TBX15: variants seen among roughly 807,000 people sequenced by gnomAD.
TBX15 encodes the protein T-box transcription factor TBX15.
A neutral mutation model predicts 53.9 loss-of-function variants in TBX15; 18 were observed. That is an observed-to-expected ratio of 0.33 (90% CI 0.23 to 0.49). The LOEUF (loss-of-function observed/expected upper bound fraction) is 0.49, where lower values mean the gene tolerates loss of function less well. Among genes scored for constraint, TBX15 ranks in the 20% least tolerant of loss-of-function variants. TBX15 has a pLI of 0.98. For synonymous variants in TBX15, 295 were observed against 278.0 expected, an observed-to-expected ratio of 1.06 and a Z score of -0.61; for missense variants, 692 against 749.5, an observed-to-expected ratio of 0.92 and a Z score of 0.90.
At chr1:118,896,213 T>C (rs1340989719) in intron 7 of TBX15, among the ~76,000 whole-genome samples, 1 of 152,182 alleles carries the variant, frequency 6.6e-6, no homozygotes, top group African/African-American at 2.4e-5. Flanking sequence ...CTAGACTGTG[T>C]CATGCCTCAG....
intron 7 of TBX15, among the ~76,000 whole-genome samples, chr1:118,897,037 C>T (rs7537314): frequency 0.5 from 76,700 of 151,954 alleles, 19,971 homozygotes; most frequent in East Asian, 0.93. Flanking sequence ...GTCACTGAAG[C>T]GTTTTGAAAG....
chr1:118,894,802 T>A (rs1021733767), intron 7 of TBX15, among the ~76,000 whole-genome samples: 3 of 152,158 alleles, frequency 2.0e-5, no homozygotes, highest in Non-Finnish European at 4.4e-5. Flanking sequence ...AAACAAAATA[T>A]GTAATCAATT....
chr1:118,987,305 C>T (rs1460551407), intron 1 of TBX15, among the ~76,000 whole-genome samples: 1 of 152,232 alleles, frequency 6.6e-6, no homozygotes, highest in African/African-American at 2.4e-5. Flanking sequence ...GCCCTTCATC[C>T]ACGGACACCC....
Position 118,924,828 on chromosome 1 carries a change from G to A in TBX15, c.522-11C>T, listed in dbSNP as rs780311135. 6.2e-7 allele frequency: 1 copy of A among 1,613,956 alleles called. No homozygotes were observed. Among genetic ancestry groups the A allele is most frequent in the South Asian group, 1.1e-5 (1 of 91,074 alleles). Reference sequence around the variant, plus strand: ...CTATGATACACATATCTGAGATAAAGAGGAAGAGAGGAAAATTCAGAGACA... The same window carrying A: ...CTATGATACACATATCTGAGATAAAAAGGAAGAGAGGAAAATTCAGAGACA... On this transcript the variant is annotated splice_polypyrimidine_tract_variant and intron_variant, in intron 3 of 7. Coordinates refer to ENST00000369429, the MANE Select transcript of TBX15 (RefSeq NM_001330677.2).
intron 1 of TBX15, among the ~76,000 whole-genome samples, chr1:118,946,279 T>C (rs1163433261): frequency 6.6e-6 from 1 of 152,126 alleles, no homozygotes; most frequent in East Asian, 1.9e-4. Flanking sequence ...ATATAAAATA[T>C]TGACTTCTAA....
intron 7 of TBX15, among the ~76,000 whole-genome samples, chr1:118,893,372 A>G (rs867462786): frequency 0.013 from 1,362 of 102,964 alleles, 34 homozygotes; most frequent in Non-Finnish European, 0.02. Context: ...AAAGAAAGAA[A>G]GAAAGAAAGA....
At chr1:118,909,440 G>A (rs1373764534) in intron 6 of TBX15, among the ~76,000 whole-genome samples, 4 of 152,338 alleles carry the variant, frequency 2.6e-5, no homozygotes, top group Non-Finnish European at 5.9e-5. Flanking sequence ...AATCTGGGGG[G>A]TTCCTTCCTC....
intron 1 of TBX15, among the ~76,000 whole-genome samples, chr1:118,974,948 A>G (rs981804784): frequency 6.6e-6 from 1 of 152,216 alleles, no homozygotes; most frequent in Non-Finnish European, 1.5e-5. Context: ...AAAAAAGTCA[A>G]CAGTACTTAG....
At chr1:118,913,255 TA>T (rs1240264816) in intron 6 of TBX15, among the ~76,000 whole-genome samples, 2 of 151,920 alleles carry the variant, frequency 1.3e-5, no homozygotes, top group Non-Finnish European at 2.9e-5. Context: ...TCTATTAAAA[TA>T]AACAGTCATT....
intron 1 of TBX15, among the ~76,000 whole-genome samples, chr1:118,949,306 G>T (rs2101652344): frequency 6.6e-6 from 1 of 152,286 alleles, no homozygotes; most frequent in African/African-American, 2.4e-5. Flanking sequence ...CATATTTTAT[G>T]TTATTCTTTC....
At chr1:118,965,436 T>C (rs1779444) in intron 1 of TBX15, among the ~76,000 whole-genome samples, 15,986 of 152,254 alleles carry the variant, frequency 0.1, 933 homozygotes, top group Non-Finnish European at 0.13. Context: ...TTCTAATATA[T>C]TGTTGGCAAA....
At chr1:118,968,730 G>A (rs1282623113) in intron 1 of TBX15, among the ~76,000 whole-genome samples, 3 of 152,144 alleles carry the variant, frequency 2.0e-5, no homozygotes, top group African/African-American at 4.8e-5. Flanking sequence ...CCAAAAGAGG[G>A]TGTTGGTGCC....
At chr1:118,920,342 ATTT>A (rs1348364315) in intron 5 of TBX15, among the ~76,000 whole-genome samples, 1 of 152,160 alleles carries the variant, frequency 6.6e-6, no homozygotes, top group African/African-American at 2.4e-5. Context: ...AGGGAATGGT[ATTT>A]TCACTGAATT....
chr1:118,927,489 C>T (rs1238701226), intron 2 of TBX15, among the ~76,000 whole-genome samples: 1 of 152,136 alleles, frequency 6.6e-6, no homozygotes, highest in Non-Finnish European at 1.5e-5. Flanking sequence ...AGTCTCCAAA[C>T]AAAGAGCCAC....
chr1:118,921,009 T>TA (rs947383830), intron 5 of TBX15, among the ~76,000 whole-genome samples: 10 of 150,718 alleles, frequency 6.6e-5, no homozygotes, highest in Admixed American at 1.3e-4. Context: ...AGGCAATCTC[T>TA]AAAAAAAAAT....
intron 1 of TBX15, among the ~76,000 whole-genome samples, chr1:118,960,399 G>A (rs1656831106): frequency 6.6e-6 from 1 of 152,192 alleles, no homozygotes; most frequent in Non-Finnish European, 1.5e-5. Flanking sequence ...AACACCTGCA[G>A]CTCTTCACTG....
At chr1:118,948,935 G>C (rs1214099548) in intron 1 of TBX15, among the ~76,000 whole-genome samples, 1 of 152,190 alleles carries the variant, frequency 6.6e-6, no homozygotes, top group Non-Finnish European at 1.5e-5. Context: ...GCCTGTGAAA[G>C]ACCTCTTTCT....
At chr1:118,961,660 T>C (rs879911017) in intron 1 of TBX15, among the ~76,000 whole-genome samples, 4 of 152,210 alleles carry the variant, frequency 2.6e-5, no homozygotes, top group Non-Finnish European at 5.9e-5. Flanking sequence ...AAAAGTGATT[T>C]GCTCAAAATT....
chr1:118,943,970 C>A (rs900179710), intron 1 of TBX15, among the ~76,000 whole-genome samples: 1 of 152,118 alleles, frequency 6.6e-6, no homozygotes, highest in Admixed American at 6.5e-5. Flanking sequence ...ACCTCATCCA[C>A]CATCCCACAC....
Sources: allele counts gnomAD v4.1 joint callset (sites outside exome capture counted in the v4.1 genomes callset), GRCh38; gene constraint gnomAD v4.1.1; transcripts MANE v1.5; gene names NCBI Gene and HGNC (gene_info 2026-07-23, HGNC 2026-07-21).